NCKAP5: variants seen among roughly 807,000 people sequenced by gnomAD.
NCKAP5 encodes the protein NCK associated protein 5.
NCKAP5 carries 92 observed loss-of-function variants against 167.0 expected under a neutral mutation model. The ratio of observed to expected loss-of-function variants is 0.55; its 90% CI spans 0.47 to 0.66. NCKAP5 has a LOEUF of 0.66. Ranked by LOEUF, NCKAP5 falls within the 30% of genes least tolerant of loss-of-function variation. The pLI is 0.00. For synonymous variants in NCKAP5, 891 were observed against 877.4 expected, an observed-to-expected ratio of 1.02 and a Z score of -0.27; for missense variants, 2,378 against 2,315.0, an observed-to-expected ratio of 1.03 and a Z score of -0.56.
At chr2:133,327,957 A>C (rs913112258) in intron 3 of NCKAP5, among the ~76,000 whole-genome samples, 8 of 152,124 alleles carry the variant, frequency 5.3e-5, no homozygotes, top group African/African-American at 1.9e-4. Context: ...TACAATGCCC[A>C]GGATAGCCCC....
intron 7 of NCKAP5, among the ~76,000 whole-genome samples, chr2:132,980,609 C>CAG (rs774664146): frequency 1.5e-3 from 223 of 152,180 alleles, no homozygotes; most frequent in Non-Finnish European, 1.5e-3. Context: ...GGTTCTTCAC[C>CAG]AGAGAGATGA....
chr2:132,861,711 T>A (rs1689928300), intron 10 of NCKAP5, among the ~76,000 whole-genome samples: 1 of 152,178 alleles, frequency 6.6e-6, no homozygotes, highest in Non-Finnish European at 1.5e-5. Flanking sequence ...TTACCTGGCA[T>A]CCCTCAATAC....
At chr2:133,420,652 A>G (rs75919136) in intron 3 of NCKAP5, among the ~76,000 whole-genome samples, 3,173 of 152,332 alleles carry the variant, frequency 0.021, 108 homozygotes, top group African/African-American at 0.072. Context: ...TTTTGAAATC[A>G]GGAAAAGGGA....
At chr2:133,295,249 A>G (rs548800102) in intron 4 of NCKAP5, among the ~76,000 whole-genome samples, 1 of 152,334 alleles carries the variant, frequency 6.6e-6, no homozygotes, top group East Asian at 1.9e-4. Flanking sequence ...ATATTTGGAT[A>G]GCAGTTAGAT....
At chr2:132,795,162 C>G (rs1239274318) in intron 12 of NCKAP5, among the ~76,000 whole-genome samples, 1 of 152,102 alleles carries the variant, frequency 6.6e-6, no homozygotes, top group East Asian at 1.9e-4. Flanking sequence ...CCAAGTTGCC[C>G]TATCAATATA....
chr2:133,481,345 AAATC>A lies in NCKAP5; in HGVS notation c.69+36109_69+36112del, dbSNP rs1559516849. Among the ~76,000 whole-genome samples the A allele has an allele frequency of 5.3e-5, 8 of 152,312 alleles. 1 individual carries two copies. The South Asian group carries it at 1.7e-3, about 32-fold the overall frequency. ...TTATATATGATTTTTAAATTTGTGC[AAATC>A]TATAGGATGTGTGATAAGATTTTTA... On this transcript the variant is annotated intron_variant, in intron 3 of 19. Transcript: ENST00000409261.
the NCKAP5 span, among the ~76,000 whole-genome samples, chr2:133,624,273 A>AT: frequency 3.6e-4 from 54 of 151,444 alleles, 1 homozygote; most frequent in African/African-American, 5.8e-4. Context: ...TATTGAAAAC[A>AT]TTTTTTTTTA....
intron 6 of NCKAP5, among the ~76,000 whole-genome samples, chr2:133,074,731 C>A (rs2080539567): frequency 6.6e-6 from 1 of 151,952 alleles, no homozygotes; most frequent in South Asian, 2.1e-4. Context: ...AGCTTAGTAG[C>A]AGAATAGAAA....
intron 6 of NCKAP5, among the ~76,000 whole-genome samples, chr2:133,111,520 T>C (rs2149717169): frequency 6.6e-6 from 1 of 152,278 alleles, no homozygotes; most frequent in South Asian, 2.1e-4. Context: ...TTACATGTAA[T>C]CAGTGGGGAT....
At chr2:132,817,433 T>G (rs1362546183) in intron 11 of NCKAP5, among the ~76,000 whole-genome samples, 1 of 126,174 alleles carries the variant, frequency 7.9e-6, no homozygotes, top group East Asian at 2.8e-4. Context: ...TCCTCTAATA[T>G]GTTACAAGAA....
At chr2:133,183,656 C>G (rs577246650) in intron 5 of NCKAP5, among the ~76,000 whole-genome samples, 1 of 152,144 alleles carries the variant, frequency 6.6e-6, no homozygotes, top group Non-Finnish European at 1.5e-5. Flanking sequence ...AAAGTTTTCT[C>G]ACAAATAATG....
At chr2:133,648,935 T>TA in the NCKAP5 span, among the ~76,000 whole-genome samples, 1 of 145,940 alleles carries the variant, frequency 6.9e-6, no homozygotes, top group African/African-American at 2.5e-5. Context: ...AGAAAATCAG[T>TA]AAAAAAATCA....
At chr2:132,820,282 T>A (rs1036838083) in intron 11 of NCKAP5, among the ~76,000 whole-genome samples, 1 of 151,726 alleles carries the variant, frequency 6.6e-6, no homozygotes, top group Non-Finnish European at 1.5e-5. Flanking sequence ...CAGGCTGGAG[T>A]GTGGTGGTGC....
chr2:133,156,922 T>A (rs1476577586), intron 5 of NCKAP5, among the ~76,000 whole-genome samples: 4 of 152,100 alleles, frequency 2.6e-5, no homozygotes, highest in African/African-American at 9.7e-5. Context: ...AATCTTACCA[T>A]TCCCTCATAT....
chr2:133,241,958 A>C (rs2150301459), intron 4 of NCKAP5, among the ~76,000 whole-genome samples: 1 of 152,094 alleles, frequency 6.6e-6, no homozygotes, highest in South Asian at 2.1e-4. Flanking sequence ...TCTCTACTAA[A>C]AATACAAAAA....
chr2:132,870,340 G>A (rs1690710617), intron 9 of NCKAP5, among the ~76,000 whole-genome samples: 1 of 152,156 alleles, frequency 6.6e-6, no homozygotes, highest in African/African-American at 2.4e-5. Flanking sequence ...GGTGAACTAG[G>A]TGGTATTTTT....
At chr2:133,593,667 T>A in the NCKAP5 span, among the ~76,000 whole-genome samples, 3 of 152,190 alleles carry the variant, frequency 2.0e-5, no homozygotes, top group Non-Finnish European at 2.9e-5. Context: ...CAAGTTACTT[T>A]TAATTTGTAT....
chr2:133,493,818 C>T (rs968888102), intron 3 of NCKAP5, among the ~76,000 whole-genome samples: 11 of 152,124 alleles, frequency 7.2e-5, no homozygotes, highest in Admixed American at 5.9e-4. Context: ...AGTGAGCAGG[C>T]TGGTTAAATG....
At chr2:133,199,542 A>C (rs967889799) in intron 5 of NCKAP5, among the ~76,000 whole-genome samples, 1 of 152,092 alleles carries the variant, frequency 6.6e-6, no homozygotes, top group African/African-American at 2.4e-5. Context: ...TATCAATTAC[A>C]CTGGCTAAAA....
Sources: allele counts gnomAD v4.1 joint callset (sites outside exome capture counted in the v4.1 genomes callset), GRCh38; gene constraint gnomAD v4.1.1; transcripts MANE v1.5; gene names NCBI Gene and HGNC (gene_info 2026-07-23, HGNC 2026-07-21).